DCLK2: variants seen among roughly 807,000 people sequenced by gnomAD.
The protein encoded by DCLK2 is serine/threonine-protein kinase DCLK2.
Under a neutral mutation model 78.4 loss-of-function variants are expected in DCLK2, and 31 were observed. That is an observed-to-expected ratio of 0.40 (90% confidence interval 0.30 to 0.53). DCLK2 has a LOEUF of 0.53. Ranked by LOEUF, DCLK2 falls within the 20% of genes least tolerant of loss-of-function variation. DCLK2 has a pLI of 0.61. For synonymous variants in DCLK2, 407 were observed against 374.9 expected, an observed-to-expected ratio of 1.09 and a Z score of -0.99; for missense variants, 872 against 973.7, an observed-to-expected ratio of 0.90 and a Z score of 1.39.
At chr4:150,227,665 T>C (rs1741718314) in intron 8 of DCLK2, among the ~76,000 whole-genome samples, 1 of 152,204 alleles carries the variant, frequency 6.6e-6, no homozygotes, top group Non-Finnish European at 1.5e-5. Context: ...ATGGTATTTA[T>C]AAATTTAAGA....
At chr4:150,149,869 A>G (rs1203957282) in intron 2 of DCLK2, among the ~76,000 whole-genome samples, 1 of 152,236 alleles carries the variant, frequency 6.6e-6, no homozygotes, top group South Asian at 2.1e-4. Flanking sequence ...GTGCTACTGA[A>G]TTACATAACA....
intron 2 of DCLK2, among the ~76,000 whole-genome samples, chr4:150,173,356 C>G (rs1736694664): frequency 6.6e-6 from 1 of 152,118 alleles, no homozygotes; most frequent in Admixed American, 6.6e-5. Flanking sequence ...CTTGTCTTCA[C>G]TTTCCCTCTT....
intron 2 of DCLK2, among the ~76,000 whole-genome samples, chr4:150,143,787 C>T (rs540064266): frequency 1.1e-4 from 17 of 152,160 alleles, no homozygotes; most frequent in Non-Finnish European, 2.4e-4. Context: ...CTTTAATTTG[C>T]ATTTCTCTGA....
At chr4:150,211,579 C>T (rs1740322180) in intron 5 of DCLK2, among the ~76,000 whole-genome samples, 4 of 152,176 alleles carry the variant, frequency 2.6e-5, no homozygotes, top group Admixed American at 2.6e-4. Flanking sequence ...GTCTGGCTTC[C>T]TCATCCTGTC....
intron 2 of DCLK2, among the ~76,000 whole-genome samples, chr4:150,177,520 A>G (rs1448471162): frequency 1.3e-5 from 2 of 152,230 alleles, no homozygotes; most frequent in Non-Finnish European, 2.9e-5. Context: ...ACTAAATTGA[A>G]CATTCTGAGA....
chr4:150,235,387 T>C (rs2126582575), intron 10 of DCLK2, among the ~76,000 whole-genome samples: 1 of 152,326 alleles, frequency 6.6e-6, no homozygotes, highest in East Asian at 1.9e-4. Context: ...GAGTAAGTAA[T>C]GTAATGGGGA....
At chr4:150,120,860 G>A (rs1732477842) in intron 2 of DCLK2, among the ~76,000 whole-genome samples, 1 of 152,128 alleles carries the variant, frequency 6.6e-6, no homozygotes, top group African/African-American at 2.4e-5. Context: ...CCTGAGGTTA[G>A]GAGTTCGAGA....
At chr4:150,208,399 T>G (rs924344804) in intron 5 of DCLK2, among the ~76,000 whole-genome samples, 3 of 67,766 alleles carry the variant, frequency 4.4e-5, no homozygotes, top group Non-Finnish European at 1.0e-4. Flanking sequence ...TTTTTTTTTT[T>G]GTTTTTGTTT....
At chr4:150,082,043 A>G (rs1309036855) in intron 1 of DCLK2, among the ~76,000 whole-genome samples, 1 of 152,010 alleles carries the variant, frequency 6.6e-6, no homozygotes, top group South Asian at 2.1e-4. Context: ...AGAATCACGA[A>G]TGCTTACTGT....
chr4:150,240,088 G>C (rs1335745836), intron 11 of DCLK2, among the ~76,000 whole-genome samples: 1 of 151,820 alleles, frequency 6.6e-6, no homozygotes, highest in Non-Finnish European at 1.5e-5. Context: ...AAAGAAGTGA[G>C]AGTCTGTTGC....
intron 2 of DCLK2, among the ~76,000 whole-genome samples, chr4:150,114,413 T>C (rs1016652607): frequency 6.6e-6 from 1 of 152,174 alleles, no homozygotes; most frequent in African/African-American, 2.4e-5. Context: ...GGTACTGTTG[T>C]TACTAGATGT....
intron 2 of DCLK2, among the ~76,000 whole-genome samples, chr4:150,170,864 G>C (rs569958425): frequency 6.6e-6 from 1 of 152,204 alleles, no homozygotes; most frequent in South Asian, 2.1e-4. Flanking sequence ...AAGTGCTTTT[G>C]ATAATGGAGA....
At chr4:150,092,101 C>G (rs192309913) in intron 1 of DCLK2, among the ~76,000 whole-genome samples, 6 of 151,950 alleles carry the variant, frequency 3.9e-5, no homozygotes, top group Non-Finnish European at 1.5e-5. Flanking sequence ...ACATAATGTC[C>G]CCCAGGTTTG....
chr4:150,104,425 C>CAAAAAAAAAAAA (rs1731108647), intron 2 of DCLK2, among the ~76,000 whole-genome samples: 1 of 51,678 alleles, frequency 1.9e-5, no homozygotes, highest in African/African-American at 7.8e-5. Context: ...AAAAAAAAAT[C>CAAAAAAAAAAAA]GAGCATCTAA....
At chr4:150,116,222 G>GT (rs1187980124) in intron 2 of DCLK2, among the ~76,000 whole-genome samples, 2 of 152,202 alleles carry the variant, frequency 1.3e-5, no homozygotes, top group African/African-American at 4.8e-5. Flanking sequence ...GTCTACAGGT[G>GT]TATGTATCCA....
chr4:150,243,551 T>TTTCACATATTTCACATAG (rs1743077775), intron 12 of DCLK2, among the ~76,000 whole-genome samples: 1 of 152,196 alleles, frequency 6.6e-6, no homozygotes, highest in Non-Finnish European at 1.5e-5. Context: ...CCTTCACATA[T>TTTCACATATTTCACATAG]TTCAAATAGT....
intron 3 of DCLK2, among the ~76,000 whole-genome samples, chr4:150,196,323 A>G (rs1477170199): frequency 6.6e-5 from 10 of 152,052 alleles, no homozygotes; most frequent in Non-Finnish European, 1.5e-4. Context: ...AAAGAGTAGC[A>G]ATGCATTTAA....
At chr4:150,215,274 G>A (rs556851369) in intron 5 of DCLK2, among the ~76,000 whole-genome samples, 3 of 152,250 alleles carry the variant, frequency 2.0e-5, no homozygotes, top group Non-Finnish European at 4.4e-5. Context: ...GCAGACACTA[G>A]GTGGGTGTCC....
chr4:150,202,994 TTA>T (rs1198307154), intron 4 of DCLK2, among the ~76,000 whole-genome samples: 1 of 152,200 alleles, frequency 6.6e-6, no homozygotes, highest in Non-Finnish European at 1.5e-5. Context: ...CTTTTTTCAG[TTA>T]TTTTTTAAAT....
Sources: gnomAD v4.1 joint callset for allele counts (sites outside exome capture counted in the v4.1 genomes callset) on GRCh38, gnomAD v4.1.1 for gene constraint, MANE v1.5 for transcripts, NCBI Gene and HGNC (gene_info 2026-07-23, HGNC 2026-07-21) for gene names.